The following KLHL36 variants were observed in gnomAD, a reference collection of about 807,000 sequenced individuals.
KLHL36 encodes kelch-like protein 36.
In KLHL36, 35 loss-of-function variants were observed where a neutral mutation model predicts 53.3. The observed-to-expected ratio is 0.66, with a 90% CI of 0.50 to 0.87. The LOEUF is 0.87. Among genes scored for constraint, KLHL36 ranks in the 40% least tolerant of loss-of-function variants. KLHL36 has a pLI of 0.00. For missense variants in KLHL36, 864 were observed against 897.6 expected (o/e 0.96, Z 0.48); for synonymous variants, 472 against 398.9 (o/e 1.18, Z -2.18).
At chr16:84,655,820 C>A (rs1907169419) in intron 2 of KLHL36, among the ~76,000 whole-genome samples, 1 of 152,176 alleles carries the variant, frequency 6.6e-6, no homozygotes, top group Non-Finnish European at 1.5e-5. Flanking sequence ...CAGTTCTTCA[C>A]CTCAGTCACC....
In KLHL36 at chr16:84,657,608, C is replaced by T. The variant is rs201243872; in HGVS notation, c.801C>T (p.Ile267=). 16 of 1,611,360 alleles carry T rather than the reference C, an allele frequency of 9.9e-6. No homozygotes were observed. The East Asian group carries it at 2.0e-4, about 20-fold the overall frequency. Residue 267 remains isoleucine (I), a synonymous_variant, in exon 3 of 5, where the codon ATC becomes ATT. Coordinates refer to ENST00000564996, the MANE Select transcript of KLHL36 (RefSeq NM_024731.4). ...LPKEANCEGF[I]EEAVRYHNNL... ...AGGAGGCCAACTGCGAGGGCTTCAT[C>T]GAGGAGGCCGTGCGCTACCACAACA...
chr16:84,657,238 G>A lies in KLHL36; in HGVS notation c.431G>A (p.Ser144Asn). Residue 144 changes from serine to asparagine, a missense_variant, in exon 3 of 5, where the codon AGC (serine) becomes AAC (asparagine). Ser to Asn is a conservative substitution (Grantham distance 46). Transcript: ENST00000564996. Reference protein sequence around the residue: ...FCCEYLEQEVSEDNYLYLQEL... With the variant: ...FCCEYLEQEVNEDNYLYLQEL... The stretch of plus-strand genomic sequence containing the variant: ...TGTGAGTACCTGGAGCAGGAGGTGA[G>A]CGAGGACAACTACCTGTACCTGCAG... 1 of 1,614,174 alleles carries A rather than the reference G, an allele frequency of 6.2e-7. No homozygotes were observed. Among genetic ancestry groups the A allele is most frequent in the Middle Eastern group, 1.6e-4 (1 of 6,062 alleles).
chr16:84,650,717 G>C, intron 1 of KLHL36, 135 bp from the exon 2 acceptor site: 1 of 634,802 alleles, frequency 1.6e-6, no homozygotes. Context: ...GTTCTTTGTA[G>C]TGCACGGTCC....
intron 3 of KLHL36, 23 bp from the exon 4 acceptor site, chr16:84,659,737 G>A: frequency 1.2e-6 from 2 of 1,612,204 alleles, no homozygotes; most frequent in Non-Finnish European, 1.7e-6. Flanking sequence ...GGAAGGGAAG[G>A]TACAGGTATC....
At chr16:84,660,494 C>T (rs1402289404) in intron 4 of KLHL36, among the ~76,000 whole-genome samples, 2 of 152,196 alleles carry the variant, frequency 1.3e-5, no homozygotes, top group Non-Finnish European at 2.9e-5. Context: ...ATGGGATTAG[C>T]AGAAGGTGCA....
intron 1 of KLHL36, among the ~76,000 whole-genome samples, chr16:84,650,184 G>A (rs1273040871): frequency 6.6e-6 from 1 of 152,178 alleles, no homozygotes; most frequent in Non-Finnish European, 1.5e-5. Context: ...GGTTGCAGTG[G>A]GGACTAAGTG....
At chr16:84,651,355 G>A (rs965437921) in intron 2 of KLHL36, among the ~76,000 whole-genome samples, 10 of 152,260 alleles carry the variant, frequency 6.6e-5, no homozygotes, top group Non-Finnish European at 1.5e-4. Context: ...CCAAGGGCCT[G>A]GAGTCGTCTT....
chr16:84,662,281 G>A lies in KLHL36; in HGVS notation c.*148G>A. The A allele has an allele frequency of 1.4e-6, 1 of 733,752 alleles. No homozygotes were observed. Among genetic ancestry groups the A allele is most frequent in the Non-Finnish European group, 2.2e-6 (1 of 463,982 alleles). 45.5% of individuals were successfully genotyped at this position (733,752 alleles called of 1,614,324 possible). A position where few individuals can be genotyped will look rare whatever the true frequency, so the allele number is the denominator to read the frequency against. ...TTCTTGGTATTTCTATGATATCACA[G>A]TAACCAATTAAATACTATCTGTAAC... is the stretch of plus-strand genomic sequence containing the variant. On this transcript the variant is annotated 3_prime_UTR_variant, in exon 5 of 5. Coordinates refer to ENST00000564996, the MANE Select transcript of KLHL36 (RefSeq NM_024731.4).
In KLHL36 at chr16:84,665,490, C is replaced by T. The variant is rs1052348625; in HGVS notation, c.*3357C>T. On this transcript the variant is annotated 3_prime_UTR_variant, in exon 5 of 5. Transcript: ENST00000564996. ...CAAACTTCCTGCTGTTTTAAATGCA[C>T]AGAGATTATTTTATCAACTGTGGTT... is the stretch of plus-strand genomic sequence containing the variant. 1.3e-5 allele frequency: 2 copies of T among 152,172 alleles called. No homozygotes were observed. The highest frequency in any genetic ancestry group is 4.8e-5 in the African/African-American group (2 of 41,420). 9.4% of individuals were successfully genotyped at this position (152,172 alleles called of 1,614,324 possible). A position where few individuals can be genotyped will look rare whatever the true frequency, so the allele number is the denominator to read the frequency against.
At chr16:84,656,728 C>A (rs1034013283) in intron 2 of KLHL36, 143 bp from the exon 3 acceptor site, 3 of 645,442 alleles carry the variant, frequency 4.6e-6, no homozygotes, top group Non-Finnish European at 8.1e-6. Context: ...AACACCTGTA[C>A]TTCCTGCAGT....
rs1169935480 is a variant in KLHL36 at position 84,657,271 on chromosome 16, C to T, written c.464C>T (p.Ala155Val). 1 of 1,613,994 alleles carries T rather than the reference C, an allele frequency of 6.2e-7. No homozygotes were observed. Among genetic ancestry groups the T allele is most frequent in the Non-Finnish European group, 8.5e-7 (1 of 1,180,036 alleles). ...EDNYLYLQEL[A>V]SIYSLKRLDA... ...AACTACCTGTACCTGCAGGAGCTGG[C>T]CTCCATCTACAGCCTCAAGCGGCTT... Residue 155 changes from alanine to valine, a missense_variant, in exon 3 of 5, where the codon GCC becomes GTC. Physicochemically the swap from Ala to Val is moderately conservative, Grantham distance 64 (BLOSUM62 0). Coordinates refer to ENST00000564996, the MANE Select transcript of KLHL36 (RefSeq NM_024731.4).
chr16:84,661,060 C>T lies in KLHL36; in HGVS notation c.1296-518C>T, dbSNP rs1420813280. On this transcript the variant is annotated intron_variant, in intron 4 of 4. Coordinates refer to ENST00000564996, the MANE Select transcript of KLHL36 (RefSeq NM_024731.4). This position sits in a 1 kb window ranked among gnomAD's most constrained non-coding sequence, Gnocchi z 7.9. ...CATCACGCAGAATCATTTCACTGCCCTAAAGCCCACTGTGTGCGTGCTGTC... is the reference window on the plus strand; with the variant it reads ...CATCACGCAGAATCATTTCACTGCCTTAAAGCCCACTGTGTGCGTGCTGTC... 6.6e-6 allele frequency among the ~76,000 whole-genome samples: 1 copy of T among 152,210 alleles called. No homozygotes were observed. The highest frequency in any genetic ancestry group is 1.5e-5 in the Non-Finnish European group (1 of 68,034).
chr16:84,660,647 A>T (rs1907493413), intron 4 of KLHL36, among the ~76,000 whole-genome samples: 1 of 151,978 alleles, frequency 6.6e-6, no homozygotes, highest in Non-Finnish European at 1.5e-5. Flanking sequence ...TCTGAGAGAG[A>T]GTCTCTCTCT....
intron 2 of KLHL36, among the ~76,000 whole-genome samples, chr16:84,654,738 G>A (rs1907102304): frequency 6.6e-6 from 1 of 152,180 alleles, no homozygotes. Flanking sequence ...AGCCTCCTGA[G>A]TAGCTAGGAT....
At chr16:84,660,602 G>C (rs1262674901) in intron 4 of KLHL36, among the ~76,000 whole-genome samples, 1 of 152,180 alleles carries the variant, frequency 6.6e-6, no homozygotes, top group African/African-American at 2.4e-5. Context: ...GTAAGAGTTA[G>C]AAGTGTGTGG....
At position 84,657,509 on chromosome 16, in the gene KLHL36, C is replaced by T. The variant is rs753551435; in HGVS notation, c.702C>T (p.Asn234=). The T allele has an allele frequency of 5.6e-6, 9 of 1,609,328 alleles. No individual in the cohort carries two copies. In the African/African-American group the frequency reaches 8.0e-5, roughly 14 times the overall value. Residue 234 remains asparagine, a synonymous_variant, in exon 3 of 5, where the codon AAC becomes AAT. Transcript: ENST00000564996. ...REAHARQVLE[N]IHFPLIPKND... ...CCCACGCCCGCCAGGTGCTGGAGAA[C>T]ATCCACTTCCCGCTCATCCCCAAGA...
chr16:84,658,240 G>A (rs1250003881), intron 3 of KLHL36: 3 of 293,348 alleles, frequency 1.0e-5, no homozygotes, highest in Non-Finnish European at 1.9e-5. Flanking sequence ...ACAGCCGCAT[G>A]TGGCGACTGA....
At chr16:84,656,347 G>T (rs1347961620) in intron 2 of KLHL36, among the ~76,000 whole-genome samples, 7 of 149,844 alleles carry the variant, frequency 4.7e-5, no homozygotes, top group Non-Finnish European at 1.0e-4. Context: ...TTGGCTCACT[G>T]CAACCTCCAT....
rs1398703839 is a variant in KLHL36 at position 84,667,491 on chromosome 16, C to G, written c.*5358C>G. On this transcript the variant is annotated 3_prime_UTR_variant, in exon 5 of 5. Coordinates refer to ENST00000564996, the MANE Select transcript of KLHL36 (RefSeq NM_024731.4). The stretch of plus-strand genomic sequence containing the variant: ...TTAATTTTCTGCACGTTGCTTTTTT[C>G]TCTTTGTTTTTAATTCCATACAGAG... 1 of 152,058 alleles carries G rather than the reference C, an allele frequency of 6.6e-6. No homozygotes were observed. The highest frequency in any genetic ancestry group is 2.4e-5 in the African/African-American group (1 of 41,420). 9.4% of individuals were successfully genotyped at this position (152,058 alleles called of 1,614,324 possible). A position where few individuals can be genotyped will look rare whatever the true frequency, so the allele number is the denominator to read the frequency against.
Sources: allele counts gnomAD v4.1 joint callset (sites outside exome capture counted in the v4.1 genomes callset), GRCh38; gene constraint gnomAD v4.1.1; non-coding constraint Gnocchi (gnomAD v3.1); transcripts MANE v1.5; gene names NCBI Gene and HGNC (gene_info 2026-07-23, HGNC 2026-07-21).